VPS53: variants seen among roughly 807,000 people sequenced by gnomAD.
VPS53 encodes VPS53 subunit of GARP complex.
In VPS53, 70 loss-of-function variants were observed where a neutral mutation model predicts 107.0. That is an observed-to-expected ratio of 0.65 (90% CI 0.54 to 0.80). VPS53 has a LOEUF of 0.80. Ranked by LOEUF, VPS53 falls within the 30% of genes least tolerant of loss-of-function variation. The pLI is 0.00. For missense variants in VPS53, 917 were observed against 1,049.4 expected (o/e 0.87, Z 1.74); for synonymous variants, 409 against 393.3 (o/e 1.04, Z -0.47).
At chr17:653,461 G>A in intron 6 of VPS53, 51 bp from the exon 7 acceptor site, 1 of 1,612,442 alleles carries the variant, frequency 6.2e-7, no homozygotes, top group South Asian at 1.1e-5. Flanking sequence ...AAAGACGCAA[G>A]ATACAGACAC....
chr17:661,112 G>A (rs916681843), intron 5 of VPS53, among the ~76,000 whole-genome samples: 17 of 151,986 alleles, frequency 1.1e-4, no homozygotes, highest in East Asian at 1.9e-4. Context: ...CATTCTCAGC[G>A]TGCATCGAGC....
chr17:687,522 G>A (rs889489482), intron 4 of VPS53, among the ~76,000 whole-genome samples: 1 of 151,024 alleles, frequency 6.6e-6, no homozygotes, highest in Non-Finnish European at 1.5e-5. Context: ...GCTGCAGTGA[G>A]CCAAGATCGC....
chr17:581,332 C>T (rs538777403), intron 13 of VPS53, among the ~76,000 whole-genome samples: 1 of 151,754 alleles, frequency 6.6e-6, no homozygotes, highest in African/African-American at 2.4e-5. Context: ...AATGGGTTCC[C>T]AGAGAACTTC....
intron 4 of VPS53, among the ~76,000 whole-genome samples, chr17:684,720 C>T (rs766391319): frequency 5.3e-5 from 8 of 152,110 alleles, no homozygotes; most frequent in Admixed American, 2.0e-4. Context: ...GGCGCGGTGG[C>T]TCACACCTGT....
chr17:610,593 A>G (rs980657212), intron 11 of VPS53, among the ~76,000 whole-genome samples: 2 of 152,176 alleles, frequency 1.3e-5, no homozygotes, highest in South Asian at 2.1e-4. Flanking sequence ...TTGGCAAATC[A>G]TATGTCTGAT....
intron 2 of VPS53, among the ~76,000 whole-genome samples, chr17:701,584 G>T (rs1046586819): frequency 3.3e-5 from 5 of 152,074 alleles, no homozygotes; most frequent in Admixed American, 3.3e-4. Flanking sequence ...CACCACGTTG[G>T]CCAGGATGGT....
chr17:513,259 G>A lies in VPS53; in HGVS notation c.*5869C>T, dbSNP rs1908059384. ...ATGCTTTAATTAACTGCAGTATTTT[G>A]TGCTCCAACATGCAGGCAGAAATCA... On this transcript the variant is annotated 3_prime_UTR_variant, in exon 22 of 22. Coordinates refer to ENST00000437048, the MANE Select transcript of VPS53 (RefSeq NM_001128159.3). 1 of 152,158 alleles carries A rather than the reference G, an allele frequency of 6.6e-6. No homozygotes were observed. The highest frequency in any genetic ancestry group is 6.6e-5 in the Admixed American group (1 of 15,260). 9.4% of individuals were successfully genotyped at this position (152,158 alleles called of 1,614,324 possible).
chr17:539,294 C>T (rs1910392303), intron 17 of VPS53: 1 of 152,240 alleles, frequency 6.6e-6, no homozygotes, highest in Non-Finnish European at 1.5e-5. Context: ...CAACTTCCCA[C>T]TGGTTATTCC....
At chr17:551,265 A>G (rs72808269) in intron 17 of VPS53, among the ~76,000 whole-genome samples, 12,016 of 152,224 alleles carry the variant, frequency 0.079, 595 homozygotes, top group Middle Eastern at 0.13. Context: ...AGCGCTCAGT[A>G]ATTAAAAATG....
At chr17:700,234 A>C (rs1020228171) in intron 2 of VPS53, among the ~76,000 whole-genome samples, 2 of 152,208 alleles carry the variant, frequency 1.3e-5, no homozygotes, top group African/African-American at 4.8e-5. Context: ...CAATATGAAA[A>C]GAAGTGATTT....
At chr17:652,724 AATT>A (rs1430185509) in intron 7 of VPS53, among the ~76,000 whole-genome samples, 5 of 152,218 alleles carry the variant, frequency 3.3e-5, no homozygotes, top group Non-Finnish European at 5.9e-5. Flanking sequence ...CGTGCAAAAC[AATT>A]ATTGTTTTAA....
chr17:574,298 A>G (rs903506733), intron 13 of VPS53, among the ~76,000 whole-genome samples: 53 of 152,190 alleles, frequency 3.5e-4, no homozygotes, highest in Non-Finnish European at 1.8e-4. Context: ...AGAGTCCCCA[A>G]GGAAGGGAGG....
chr17:637,261 A>C (rs1970235832), intron 7 of VPS53, among the ~76,000 whole-genome samples: 1 of 152,040 alleles, frequency 6.6e-6, no homozygotes, highest in African/African-American at 2.4e-5. Context: ...ATCAGTGGTG[A>C]TATCCCCTTT....
intron 11 of VPS53, among the ~76,000 whole-genome samples, chr17:622,503 GT>G (rs1969509849): frequency 6.6e-6 from 1 of 151,932 alleles, no homozygotes. Context: ...GCCTGCATGG[GT>G]TCTGTGTACA....
At chr17:599,162 G>A (rs866824046) in intron 12 of VPS53, among the ~76,000 whole-genome samples, 83 of 139,012 alleles carry the variant, frequency 6.0e-4, no homozygotes, top group South Asian at 4.7e-4. Context: ...CAGCCGCCCC[G>A]CCCGGGAGGT....
At chr17:697,346 C>A in intron 4 of VPS53, 72 bp downstream of exon 4, 2 of 1,261,440 alleles carry the variant, frequency 1.6e-6, no homozygotes, top group Non-Finnish European at 1.2e-6. Context: ...GAGGGCACAT[C>A]GACGTTTTGG....
rs1567720387 is a variant in VPS53, at chr17:662,896, AGGC to A, written c.286-1004_286-1002del. Reference sequence around the variant, plus strand: ...AACGAAGGAAGGAAGGAAGGAAGGCAGGCAGGCAGGCAGGCAGGCAGGCAGGCA... The same window carrying A: ...AACGAAGGAAGGAAGGAAGGAAGGCAAGGCAGGCAGGCAGGCAGGCAGGCA... On this transcript the variant is annotated intron_variant, in intron 4 of 21. Coordinates refer to ENST00000437048, the MANE Select transcript of VPS53 (RefSeq NM_001128159.3). 2.1e-3 allele frequency among the ~76,000 whole-genome samples: 238 copies of A among 112,644 alleles called. 1 individual carries two copies. Among genetic ancestry groups the A allele is most frequent in the African/African-American group, 6.1e-3 (184 of 30,040 alleles). 73.9% of individuals were successfully genotyped at this position (112,644 alleles called of 152,430 possible). A position where few individuals can be genotyped will look rare whatever the true frequency, so the allele number is the denominator to read the frequency against.
At position 629,476 on chromosome 17, in the gene VPS53, G is replaced by A. The variant is rs140387690; in HGVS notation, c.688-1245C>T. 2.5e-3 allele frequency among the ~76,000 whole-genome samples: 376 copies of A among 152,196 alleles called. 4 individuals carry two copies. The highest frequency in any genetic ancestry group is 8.8e-3 in the African/African-American group (365 of 41,514). Reference sequence around the variant, plus strand: ...CCCATAGTCTTTAAAAAGAAAACTAGGCTGGGAGCGGTGGCTCACGCCTGT... The same window carrying A: ...CCCATAGTCTTTAAAAAGAAAACTAAGCTGGGAGCGGTGGCTCACGCCTGT... On this transcript the variant is annotated intron_variant, in intron 8 of 21. Coordinates refer to ENST00000437048, the MANE Select transcript of VPS53 (RefSeq NM_001128159.3).
chr17:622,292 C>T (rs1186551065), intron 11 of VPS53, among the ~76,000 whole-genome samples: 1 of 152,058 alleles, frequency 6.6e-6, no homozygotes, highest in Non-Finnish European at 1.5e-5. Flanking sequence ...CAGTTCACTA[C>T]ATTACAGCAG....
Sources: allele counts gnomAD v4.1 joint callset (sites outside exome capture counted in the v4.1 genomes callset), GRCh38; gene constraint gnomAD v4.1.1; transcripts MANE v1.5; gene names NCBI Gene and HGNC (gene_info 2026-07-23, HGNC 2026-07-21).